MTF2: variants seen among roughly 807,000 people sequenced by gnomAD.
MTF2 encodes the protein metal response element binding transcription factor 2.
A neutral mutation model predicts 79.5 loss-of-function variants in MTF2; 11 were observed. That is an observed-to-expected ratio of 0.14 (90% CI 0.09 to 0.23). MTF2 has a LOEUF of 0.23. MTF2 is among the 10% of genes least tolerant of loss of function. The pLI, the probability that MTF2 is intolerant of heterozygous loss-of-function variation, is 1.00. For missense variants in MTF2, 486 were observed against 711.2 expected (o/e 0.68, Z 3.60); for synonymous variants, 208 against 232.8 (o/e 0.89, Z 0.97).
intron 1 of MTF2, among the ~76,000 whole-genome samples, chr1:93,096,878 A>G (rs1327004636): frequency 6.9e-6 from 1 of 144,050 alleles, no homozygotes; most frequent in East Asian, 2.0e-4. Context: ...TGGTGTGATC[A>G]TGGCTCACTG....
At position 93,110,123 on chromosome 1, in the gene MTF2, A is replaced by G. The variant is rs1465888801; in HGVS notation, c.6-107A>G. ...GAGGTACTTTTTATATTTTTGTCTT[A>G]AGGTTTTTAACAAATTTAAAACTTT... On this transcript the variant is annotated intron_variant, in intron 1 of 14. Transcript: ENST00000370298. The G allele has an allele frequency of 8.4e-6, 9 of 1,075,340 alleles. No homozygotes were observed. In the East Asian group the frequency reaches 2.2e-4, roughly 27 times the overall value. The allele number at this position is 1,075,340 out of a possible 1,614,324, so 66.6% of individuals were successfully genotyped here. A position where few individuals can be genotyped will look rare whatever the true frequency, so the allele number is the denominator to read the frequency against.
At chr1:93,121,481 CTGATT>C (rs1656475469) in intron 9 of MTF2, 17 of 982,612 alleles carry the variant, frequency 1.7e-5, no homozygotes, top group African/African-American at 1.6e-4. Flanking sequence ...ATTTTGCACA[CTGATT>C]TGAAGTTTAG....
intron 1 of MTF2, among the ~76,000 whole-genome samples, chr1:93,090,955 A>T (rs1655052459): frequency 1.3e-5 from 2 of 152,026 alleles, no homozygotes; most frequent in Admixed American, 1.3e-4. Flanking sequence ...GAGCCACCGC[A>T]CCCAGCCTAT....
At chr1:93,083,614 C>T (rs897108945) in intron 1 of MTF2, among the ~76,000 whole-genome samples, 16 of 152,006 alleles carry the variant, frequency 1.1e-4, no homozygotes, top group Non-Finnish European at 2.2e-4. Flanking sequence ...GATGATAACT[C>T]GGATTAGTGT....
intron 1 of MTF2, among the ~76,000 whole-genome samples, chr1:93,106,673 C>T (rs749570005): frequency 1.4e-4 from 22 of 152,178 alleles, no homozygotes; most frequent in African/African-American, 5.3e-4. Context: ...GCATACGCCA[C>T]CACACCAGGC....
intron 1 of MTF2, among the ~76,000 whole-genome samples, chr1:93,094,707 A>G (rs931696853): frequency 1.3e-4 from 19 of 151,948 alleles, no homozygotes; most frequent in African/African-American, 4.6e-4. Flanking sequence ...AGACTATTTC[A>G]CATGTGCTGT....
chr1:93,089,376 T>G (rs1362905490), intron 1 of MTF2, among the ~76,000 whole-genome samples: 1 of 152,210 alleles, frequency 6.6e-6, no homozygotes, highest in African/African-American at 2.4e-5. Flanking sequence ...ATACAGACTT[T>G]GATTAGTTTA....
At chr1:93,134,523 A>T in intron 14 of MTF2, 1 of 190,580 alleles carries the variant, frequency 5.2e-6, no homozygotes, top group Admixed American at 6.1e-5. Context: ...GGAAGATATG[A>T]TTTTTTTTTT....
At chr1:93,124,098 A>T (rs1656598260) in intron 9 of MTF2, among the ~76,000 whole-genome samples, 1 of 152,088 alleles carries the variant, frequency 6.6e-6, no homozygotes, top group Non-Finnish European at 1.5e-5. Context: ...TAGGATTGTT[A>T]TGAAGAGAAG....
chr1:93,131,685 A>T (rs1201936979), intron 11 of MTF2, among the ~76,000 whole-genome samples: 3 of 152,188 alleles, frequency 2.0e-5, no homozygotes, highest in Non-Finnish European at 2.9e-5. Flanking sequence ...TAGTCAAATG[A>T]TGGTTTTTTA....
At chr1:93,092,885 T>C (rs1655127933) in intron 1 of MTF2, among the ~76,000 whole-genome samples, 2 of 152,060 alleles carry the variant, frequency 1.3e-5, no homozygotes, top group African/African-American at 2.4e-5. Flanking sequence ...TAGTTAATGC[T>C]TGTAAAGAAT....
intron 1 of MTF2, among the ~76,000 whole-genome samples, chr1:93,085,394 G>A (rs752051583): frequency 6.0e-5 from 9 of 150,968 alleles, no homozygotes; most frequent in Non-Finnish European, 1.2e-4. Flanking sequence ...GGCCAGGATG[G>A]TCTCGATCTC....
intron 3 of MTF2, among the ~76,000 whole-genome samples, chr1:93,114,188 A>G (rs1269206742): frequency 6.6e-6 from 1 of 152,244 alleles, no homozygotes; most frequent in African/African-American, 2.4e-5. Context: ...CAACCTGTTT[A>G]ATAAATTAGT....
chr1:93,134,850 AAT>A (rs1234081639), intron 14 of MTF2, among the ~76,000 whole-genome samples: 1 of 151,814 alleles, frequency 6.6e-6, no homozygotes, highest in Non-Finnish European at 1.5e-5. Flanking sequence ...AAAAAAAAAA[AAT>A]CAGACACCTA....
At chr1:93,116,332 T>A (rs1285564068) in intron 6 of MTF2, among the ~76,000 whole-genome samples, 1 of 152,158 alleles carries the variant, frequency 6.6e-6, no homozygotes, top group Admixed American at 6.5e-5. Flanking sequence ...GTAGCATTTT[T>A]ATTTTCTTCC....
chr1:93,108,141 C>T (rs1655881395), intron 1 of MTF2, among the ~76,000 whole-genome samples: 2 of 152,044 alleles, frequency 1.3e-5, no homozygotes, highest in African/African-American at 4.8e-5. Context: ...GCTATTATTG[C>T]CAAATATATT....
At chr1:93,101,489 G>T (rs1655530422) in intron 1 of MTF2, among the ~76,000 whole-genome samples, 1 of 139,346 alleles carries the variant, frequency 7.2e-6, no homozygotes, top group Non-Finnish European at 1.5e-5. Flanking sequence ...AAGTGATCCT[G>T]CAGCTATGTG....
rs538754400 is a variant in MTF2 at position 93,133,730 on chromosome 1, A to T, written c.1188A>T (p.Lys396Asn). The T allele has an allele frequency of 1.9e-6, 3 of 1,611,702 alleles. No individual in the cohort carries two copies. The Admixed American group carries it at 5.0e-5, about 27-fold the overall frequency. The change falls in exon 12 of 15, where the codon AAA becomes AAT. Residue 396 changes from lysine to asparagine, a missense_variant. By Grantham distance (94) the Lys-to-Asn change is moderately conservative. Coordinates refer to ENST00000370298, the MANE Select transcript of MTF2 (RefSeq NM_007358.4). ...SREVSNGIEK[K>N]GKKKSVGRPP... Reference sequence around the variant, plus strand: ...AAGTAAGCAATGGCATAGAAAAAAAAGGAAAGAAAAAATCTGTAGGTCGTC... The same window carrying T: ...AAGTAAGCAATGGCATAGAAAAAAATGGAAAGAAAAAATCTGTAGGTCGTC...
chr1:93,113,236 G>A (rs1423763370), intron 3 of MTF2, among the ~76,000 whole-genome samples: 1 of 145,440 alleles, frequency 6.9e-6, no homozygotes, highest in Non-Finnish European at 1.5e-5. Context: ...AAAAAAAATA[G>A]GCATGGTGAC....
Sources: allele counts gnomAD v4.1 joint callset (sites outside exome capture counted in the v4.1 genomes callset), GRCh38; gene constraint gnomAD v4.1.1; transcripts MANE v1.5; gene names NCBI Gene and HGNC (gene_info 2026-07-23, HGNC 2026-07-21).